The following LRBA variants were observed in gnomAD, a reference collection of about 807,000 sequenced individuals.
LRBA encodes the protein lipopolysaccharide-responsive and beige-like anchor protein.
A neutral mutation model predicts 330.0 loss-of-function variants in LRBA; 176 were observed. That is an observed-to-expected ratio of 0.53 (90% CI 0.47 to 0.60). The LOEUF is 0.60. Ranked by LOEUF, LRBA falls within the 20% of genes least tolerant of loss-of-function variation. The pLI is 0.00. For missense variants in LRBA, 3,259 were observed against 3,444.8 expected, an observed-to-expected ratio of 0.95 and a Z score of 1.35; for synonymous variants, 1,230 against 1,193.0, an observed-to-expected ratio of 1.03 and a Z score of -0.64.
chr4:150,563,911 C>T (rs946522738), intron 40 of LRBA, among the ~76,000 whole-genome samples: 2 of 152,152 alleles, frequency 1.3e-5, no homozygotes, highest in Admixed American at 6.6e-5. Context: ...AAGAACATTC[C>T]ATGCTCATGG....
intron 47 of LRBA, among the ~76,000 whole-genome samples, chr4:150,398,062 G>GA (rs1455926739): frequency 4.6e-5 from 7 of 152,038 alleles, no homozygotes; most frequent in African/African-American, 1.4e-4. Flanking sequence ...CTCTAGCACA[G>GA]AAAAAAAGTA....
At chr4:150,345,868 C>T (rs1175624944) in intron 48 of LRBA, among the ~76,000 whole-genome samples, 1 of 151,996 alleles carries the variant, frequency 6.6e-6, no homozygotes, top group Non-Finnish European at 1.5e-5. Flanking sequence ...TGCCATGGTA[C>T]AATCATGGCT....
intron 37 of LRBA, among the ~76,000 whole-genome samples, chr4:150,658,255 A>C (rs1437203397): frequency 6.6e-6 from 1 of 151,820 alleles, no homozygotes; most frequent in African/African-American, 2.4e-5. Context: ...GAAGAGTAAT[A>C]CTTTCTTAAA....
chr4:150,937,587 C>T (rs34240697), intron 2 of LRBA, among the ~76,000 whole-genome samples: 3 of 151,972 alleles, frequency 2.0e-5, no homozygotes, highest in Non-Finnish European at 4.4e-5. Context: ...GATTTGGTCT[C>T]CTTTGCTATA....
chr4:150,829,578 C>G (rs1422194537), intron 29 of LRBA, among the ~76,000 whole-genome samples: 1 of 152,168 alleles, frequency 6.6e-6, no homozygotes, highest in Non-Finnish European at 1.5e-5. Flanking sequence ...GGACACCATT[C>G]TCTTTTTGTT....
intron 37 of LRBA, among the ~76,000 whole-genome samples, chr4:150,645,764 G>GA (rs1449974849): frequency 6.6e-6 from 1 of 151,804 alleles, no homozygotes; most frequent in Non-Finnish European, 1.5e-5. Context: ...TTATCTGTGT[G>GA]AAAACATATT....
intron 45 of LRBA, 129 bp from the exon 46 acceptor site, chr4:150,435,837 TGAGA>T: frequency 1.3e-5 from 7 of 531,558 alleles, no homozygotes; most frequent in Non-Finnish European, 2.3e-5. Context: ...AGGTATATAA[TGAGA>T]ATTATATCTA....
chr4:150,384,036 A>T lies in LRBA; in HGVS notation c.7194+31402T>A, dbSNP rs534453420. 1.9e-4 allele frequency among the ~76,000 whole-genome samples: 28 copies of T among 151,310 alleles called. 1 individual carries two copies. The highest frequency in any genetic ancestry group is 1.8e-3 in the Admixed American group (28 of 15,204). On this transcript the variant is annotated intron_variant, in intron 47 of 56. Transcript: ENST00000651943. ...AACAGTTTTTTTATTTTTATTTTTT[A>T]TTTATTTATTTATTTATTTTGAGAC...
At chr4:150,866,842 T>C (rs1752761572) in intron 22 of LRBA, among the ~76,000 whole-genome samples, 1 of 152,068 alleles carries the variant, frequency 6.6e-6, no homozygotes, top group Non-Finnish European at 1.5e-5. Context: ...AAAAAATGCA[T>C]TCAGTATGCC....
chr4:150,271,630 A>C (rs1272782098), intron 56 of LRBA, among the ~76,000 whole-genome samples: 1 of 151,150 alleles, frequency 6.6e-6, no homozygotes, highest in Non-Finnish European at 1.5e-5. Flanking sequence ...TGCTGCCAGC[A>C]CAGCAGTCTG....
intron 30 of LRBA, 117 bp downstream of exon 30, chr4:150,828,063 G>T: frequency 2.5e-6 from 2 of 787,852 alleles, no homozygotes; most frequent in Non-Finnish European, 2.1e-6. Context: ...TAAGTTCTGA[G>T]GGAGTGAAAA....
chr4:150,941,841 CAAG>C, intron 2 of LRBA, among the ~76,000 whole-genome samples: 1 of 149,300 alleles, frequency 6.7e-6, no homozygotes, highest in East Asian at 2.0e-4. Flanking sequence ...GAGCAGAAAT[CAAG>C]CCATTGCACT....
At chr4:150,633,799 T>C in intron 37 of LRBA, among the ~76,000 whole-genome samples, 1 of 152,186 alleles carries the variant, frequency 6.6e-6, no homozygotes, top group East Asian at 1.9e-4. Context: ...CTTCTGGTCC[T>C]TGTACTCAGG....
chr4:150,583,225 C>T lies in LRBA; in HGVS notation c.6330+4823G>A, dbSNP rs1561386540. On this transcript the variant is annotated intron_variant, in intron 40 of 56. Coordinates refer to ENST00000651943, the MANE Select transcript of LRBA (RefSeq NM_001364905.1). The surrounding 1 kb of genome is among the most constrained non-coding windows in gnomAD (Gnocchi z 9.8). ...CGAGATCGATGCCCGCTACGAGGGGCTCGAGGTCATTTCGCCCACCGAATT... is the reference window on the plus strand; with the variant it reads ...CGAGATCGATGCCCGCTACGAGGGGTTCGAGGTCATTTCGCCCACCGAATT... The T allele has an allele frequency of 2.5e-6, 4 of 1,614,048 alleles. No homozygotes were observed. The highest frequency in any genetic ancestry group is 3.4e-6 in the Non-Finnish European group (4 of 1,180,044).
intron 34 of LRBA, among the ~76,000 whole-genome samples, chr4:150,785,301 T>A (rs1738888541): frequency 6.6e-6 from 1 of 152,138 alleles, no homozygotes; most frequent in Non-Finnish European, 1.5e-5. Context: ...CGAAAAGACA[T>A]CTTAAAGGCC....
intron 48 of LRBA, among the ~76,000 whole-genome samples, chr4:150,329,517 T>C (rs976255416): frequency 3.9e-4 from 60 of 152,184 alleles, no homozygotes; most frequent in Non-Finnish European, 7.4e-5. Flanking sequence ...TCTCTGTCTT[T>C]TGCTGACTTG....
At position 150,325,919 on chromosome 4, in the gene LRBA, T is replaced by C; in HGVS notation, c.7363-21A>G. On this transcript the variant is annotated intron_variant, in intron 48 of 56. Transcript: ENST00000651943. ...ACAGCCTGAAAAGGGCAGGGGCAAG[T>C]CTGAAGGTTAAGAGGTGCTAATTAC... 3.5e-6 allele frequency: 5 copies of C among 1,445,554 alleles called. No individual in the cohort carries two copies. The South Asian group carries it at 5.8e-5, about 17-fold the overall frequency. The allele number at this position is 1,445,554 out of a possible 1,614,324, so 89.5% of individuals were successfully genotyped here.
chr4:150,911,296 T>C (rs1437006434), intron 9 of LRBA, among the ~76,000 whole-genome samples: 1 of 152,210 alleles, frequency 6.6e-6, no homozygotes, highest in East Asian at 1.9e-4. Flanking sequence ...TTTTTCACTG[T>C]TCAGTATTGT....
chr4:150,581,313 C>T, intron 40 of LRBA: 1 of 445,160 alleles, frequency 2.2e-6, no homozygotes, highest in South Asian at 1.6e-5. Flanking sequence ...TTTATAAACC[C>T]TCACCTTATA....
Sources: allele counts gnomAD v4.1 joint callset (sites outside exome capture counted in the v4.1 genomes callset), GRCh38; gene constraint gnomAD v4.1.1; non-coding constraint Gnocchi (gnomAD v3.1); transcripts MANE v1.5; gene names NCBI Gene and HGNC (gene_info 2026-07-23, HGNC 2026-07-21).